MAP4K3: variants seen among roughly 807,000 people sequenced by gnomAD.
The protein encoded by MAP4K3 is mitogen-activated protein kinase kinase kinase kinase 3, also known as MAPK/ERK kinase kinase kinase 3.
A neutral mutation model predicts 143.5 loss-of-function variants in MAP4K3; 94 were observed. The ratio of observed to expected loss-of-function variants is 0.65; its 90% CI spans 0.55 to 0.78. The LOEUF (loss-of-function observed/expected upper bound fraction) is 0.78. Among genes scored for constraint, MAP4K3 ranks in the 30% least tolerant of loss-of-function variants. The pLI is 0.00. For missense variants in MAP4K3, 1,077 were observed against 1,068.1 expected (o/e 1.01, Z -0.12); for synonymous variants, 416 against 347.2 (o/e 1.20, Z -2.20).
chr2:39,406,714 C>T (rs960235021), intron 1 of MAP4K3, among the ~76,000 whole-genome samples: 4 of 151,784 alleles, frequency 2.6e-5, no homozygotes, highest in South Asian at 2.1e-4. Context: ...ACCTGTCCTA[C>T]AAGAAATGCT....
intron 20 of MAP4K3, among the ~76,000 whole-genome samples, chr2:39,287,719 TA>T (rs1262731085): frequency 2.6e-5 from 4 of 152,304 alleles, no homozygotes; most frequent in South Asian, 2.1e-4. Context: ...TAATACCAAT[TA>T]TTTTTTTAGA....
chr2:39,369,983 T>A (rs1666037002), intron 2 of MAP4K3, among the ~76,000 whole-genome samples: 1 of 152,210 alleles, frequency 6.6e-6, no homozygotes, highest in Non-Finnish European at 1.5e-5. Context: ...ACATTCTAGT[T>A]TTCACATTGG....
intron 16 of MAP4K3, among the ~76,000 whole-genome samples, chr2:39,297,569 T>C (rs922927804): frequency 2.0e-5 from 3 of 152,118 alleles, no homozygotes; most frequent in African/African-American, 2.4e-5. Context: ...AAGACCTATG[T>C]TAACAATTAT....
At chr2:39,258,618 C>T (rs1425333673) in intron 29 of MAP4K3, 31 bp from the exon 30 acceptor site, 2 of 1,447,374 alleles carry the variant, frequency 1.4e-6, no homozygotes, top group Non-Finnish European at 1.9e-6. Flanking sequence ...GGTAAACCTA[C>T]AGAAACTGTG....
At chr2:39,308,368 A>T (rs1682794232) in intron 14 of MAP4K3, among the ~76,000 whole-genome samples, 1 of 152,174 alleles carries the variant, frequency 6.6e-6, no homozygotes, top group South Asian at 2.1e-4. Context: ...TTACAATATG[A>T]TCATTTTAAG....
intron 16 of MAP4K3, among the ~76,000 whole-genome samples, chr2:39,299,431 A>G (rs1440031203): frequency 1.3e-5 from 2 of 152,208 alleles, no homozygotes; most frequent in Non-Finnish European, 2.9e-5. Context: ...AAGTTTTATA[A>G]GAAATAAACA....
At chr2:39,356,736 C>A (rs1268953869) in intron 2 of MAP4K3, among the ~76,000 whole-genome samples, 1 of 152,124 alleles carries the variant, frequency 6.6e-6, no homozygotes, top group East Asian at 1.9e-4. Flanking sequence ...TAGAACAGTG[C>A]CTGGCATGGA....
At chr2:39,388,643 C>A (rs1276642316) in intron 1 of MAP4K3, among the ~76,000 whole-genome samples, 1 of 152,306 alleles carries the variant, frequency 6.6e-6, no homozygotes, top group East Asian at 1.9e-4. Flanking sequence ...CTATCCACAA[C>A]AGGCAATTTG....
At chr2:39,404,188 G>C (rs1351498135) in intron 1 of MAP4K3, among the ~76,000 whole-genome samples, 4 of 152,060 alleles carry the variant, frequency 2.6e-5, no homozygotes, top group Non-Finnish European at 4.4e-5. Context: ...TCCTGCTTGA[G>C]AAAAGCAGAG....
intron 1 of MAP4K3, among the ~76,000 whole-genome samples, chr2:39,426,242 C>CGT (rs1665075516): frequency 6.6e-6 from 1 of 151,972 alleles, no homozygotes; most frequent in African/African-American, 2.4e-5. Flanking sequence ...ATAAATGATG[C>CGT]GTACTACTCA....
At chr2:39,260,349 C>G (rs1420988548) in intron 29 of MAP4K3, among the ~76,000 whole-genome samples, 1 of 152,176 alleles carries the variant, frequency 6.6e-6, no homozygotes, top group African/African-American at 2.4e-5. Context: ...CTCCTGGACT[C>G]AAGCGATCTT....
intron 1 of MAP4K3, among the ~76,000 whole-genome samples, chr2:39,396,258 C>T (rs569165691): frequency 6.9e-4 from 105 of 151,826 alleles, no homozygotes; most frequent in African/African-American, 2.5e-3. Context: ...TCAGGCTGGT[C>T]TCAAACTCCT....
intron 1 of MAP4K3, among the ~76,000 whole-genome samples, chr2:39,384,503 G>A (rs534216702): frequency 1.3e-5 from 2 of 152,368 alleles, no homozygotes; most frequent in Admixed American, 6.5e-5. Context: ...CTGAGATTGC[G>A]CCACTGCGCT....
At chr2:39,397,798 T>C (rs1198791195) in intron 1 of MAP4K3, among the ~76,000 whole-genome samples, 4 of 151,948 alleles carry the variant, frequency 2.6e-5, no homozygotes, top group Non-Finnish European at 5.9e-5. Context: ...AATACACCCA[T>C]ATAAAGAATT....
Position 39,377,215 on chromosome 2 carries a change from T to A in MAP4K3, c.154+851A>T, listed in dbSNP as rs939312959. ...GGCTATTTGGCCTTTTTTTTTTTTT[T>A]AAACAGAAAAAGTTTTTCCACTCTT... On this transcript the variant is annotated intron_variant, in intron 2 of 33. Transcript: ENST00000263881. Among the ~76,000 whole-genome samples the A allele has an allele frequency of 2.7e-5, 4 of 150,094 alleles. No individual in the cohort carries two copies. The South Asian group carries it at 6.3e-4, about 24-fold the overall frequency.
intron 5 of MAP4K3, 47 bp from the exon 6 acceptor site, chr2:39,337,014 C>A: frequency 1.0e-6 from 1 of 970,270 alleles, no homozygotes; most frequent in Non-Finnish European, 1.6e-6. Flanking sequence ...TATCAAAGAG[C>A]ACTCTTTTGG....
At chr2:39,429,669 T>G (rs1413228143) in intron 1 of MAP4K3, among the ~76,000 whole-genome samples, 1 of 152,222 alleles carries the variant, frequency 6.6e-6, no homozygotes, top group East Asian at 1.9e-4. Flanking sequence ...AATTTAAAGT[T>G]AAGACAAAAT....
chr2:39,310,470 C>T (rs534743844), intron 13 of MAP4K3, among the ~76,000 whole-genome samples: 14 of 152,124 alleles, frequency 9.2e-5, no homozygotes, highest in African/African-American at 3.1e-4. Context: ...ATATATACTA[C>T]ATTTCTTTTA....
At chr2:39,309,379 T>G in intron 14 of MAP4K3, 82 bp downstream of exon 14, 1 of 982,254 alleles carries the variant, frequency 1.0e-6, no homozygotes, top group Non-Finnish European at 1.5e-6. Flanking sequence ...GACTAGCTTT[T>G]TTGGTCAGTA....
Sources: allele counts gnomAD v4.1 joint callset (sites outside exome capture counted in the v4.1 genomes callset), GRCh38; gene constraint gnomAD v4.1.1; transcripts MANE v1.5; gene names NCBI Gene and HGNC (gene_info 2026-07-23, HGNC 2026-07-21).